Variants in CRELD1 observed in about 807,000 individuals in gnomAD.
CRELD1 encodes the protein protein disulfide isomerase CRELD1.
In CRELD1, 42 loss-of-function variants were observed where a neutral mutation model predicts 58.2. That is an observed-to-expected ratio of 0.72 (90% confidence interval 0.56 to 0.93). The LOEUF (loss-of-function observed/expected upper bound fraction) is 0.93, where lower values mean the gene tolerates loss of function less well. Among genes scored for constraint, CRELD1 ranks in the 40% least tolerant of loss-of-function variants. The pLI is 0.00. For synonymous variants in CRELD1, 222 were observed against 202.0 expected, an observed-to-expected ratio of 1.10 and a Z score of -0.84; for missense variants, 500 against 540.6, an observed-to-expected ratio of 0.92 and a Z score of 0.74.
chr3:9,938,173 T>C lies in CRELD1; in HGVS notation c.460+67T>C. On this transcript the variant is annotated intron_variant, in intron 5 of 10. Coordinates refer to ENST00000452070, the MANE Select transcript of CRELD1 (RefSeq NM_001077415.3). ...GAGTCCAGGGATCCAGTCCTGGCTC[T>C]GTCCCTAGTTCGCTGTGTGAACTCA... The C allele has an allele frequency of 5.6e-6, 7 of 1,240,098 alleles. No homozygotes were observed. The South Asian group carries it at 8.5e-5, about 15-fold the overall frequency. 76.8% of individuals were successfully genotyped at this position (1,240,098 alleles called of 1,614,324 possible).
At chr3:9,944,257 C>T (rs2085457927) in intron 10 of CRELD1, 108 bp from the exon 11 acceptor site, 6 of 1,015,038 alleles carry the variant, frequency 5.9e-6, no homozygotes, top group Non-Finnish European at 7.8e-6. Context: ...GCTTGCTGGG[C>T]AGGCCTGGTG....
rs946274614 is a variant in CRELD1 at position 9,936,881 on chromosome 3, A to G, written c.258-681A>G. On this transcript the variant is annotated intron_variant, in intron 3 of 10. Transcript: ENST00000452070. ...TCAAGGTTCACCCATACCGTAGCAT[A>G]TATCAATACTTATTCCTTTTTATGG... 2.0e-5 allele frequency among the ~76,000 whole-genome samples: 3 copies of G among 152,186 alleles called. 1 individual carries two copies. The highest frequency in any genetic ancestry group is 4.4e-5 in the Non-Finnish European group (3 of 68,038).
At chr3:9,936,655 A>G (rs1473048994) in intron 3 of CRELD1, among the ~76,000 whole-genome samples, 1 of 152,098 alleles carries the variant, frequency 6.6e-6, no homozygotes, top group Non-Finnish European at 1.5e-5. Flanking sequence ...CATCACCACT[A>G]TGTAGTTCCA....
rs566239032 is a variant in CRELD1, at chr3:9,942,307, AT to A, written c.734-497del. 6.6e-5 allele frequency among the ~76,000 whole-genome samples: 10 copies of A among 150,558 alleles called. 1 individual carries two copies. In the East Asian group the frequency reaches 9.7e-4, roughly 15 times the overall value. Reference sequence around the variant, plus strand: ...AAAAGAATCTAGAGGGTAGAGGTTTATTTTTTTTTATCATATTACAGTCCCA... The same window carrying A: ...AAAAGAATCTAGAGGGTAGAGGTTTATTTTTTTTATCATATTACAGTCCCA... On this transcript the variant is annotated intron_variant, in intron 7 of 10. Transcript: ENST00000452070.
chr3:9,943,960 T>C (rs775204061), intron 10 of CRELD1: 1 of 1,252,328 alleles, frequency 8.0e-7, no homozygotes, highest in Non-Finnish European at 1.2e-6. Flanking sequence ...GGAAGTTGGG[T>C]TCTCATCCCC....
At chr3:9,943,835 A>C (rs2085440257) in intron 10 of CRELD1, 1 of 1,613,630 alleles carries the variant, frequency 6.2e-7, no homozygotes, top group East Asian at 2.2e-5. Flanking sequence ...GGTGAGATGC[A>C]GGGTAATCAC....
Position 9,945,066 on chromosome 3 carries a change from A to C in CRELD1, c.*487A>C. On this transcript the variant is annotated 3_prime_UTR_variant, in exon 11 of 11. Coordinates refer to ENST00000452070, the MANE Select transcript of CRELD1 (RefSeq NM_001077415.3). ...TCTTACTACCTGTCCCACCACCCCC[A>C]CCTTAGGGAAATGTCCTAGAATCCT... 1 of 191,990 alleles carries C rather than the reference A, an allele frequency of 5.2e-6. No homozygotes were observed. Among genetic ancestry groups the C allele is most frequent in the South Asian group, 1.0e-4 (1 of 9,808 alleles). 11.9% of individuals were successfully genotyped at this position (191,990 alleles called of 1,614,324 possible). A position where few individuals can be genotyped will look rare whatever the true frequency, so the allele number is the denominator to read the frequency against.
At chr3:9,938,876 A>G in intron 5 of CRELD1, among the ~76,000 whole-genome samples, 1 of 150,958 alleles carries the variant, frequency 6.6e-6, no homozygotes, top group South Asian at 2.1e-4. Context: ...AAAAAAGAAA[A>G]TATTTGGTCC....
rs2085251223 is a variant in CRELD1, at chr3:9,938,271, T to C, written c.460+165T>C. 9.1e-6 allele frequency: 6 copies of C among 658,614 alleles called. No individual in the cohort carries two copies. The Admixed American group carries it at 1.4e-4, about 15-fold the overall frequency. The allele number at this position is 658,614 out of a possible 1,614,324, so 40.8% of individuals were successfully genotyped here. Reference sequence around the variant, plus strand: ...AGGGCTGGGGAGATGGGCAAATCAGTGGGGAAAGGCTTGGAGAAAGCACAG... The same window carrying C: ...AGGGCTGGGGAGATGGGCAAATCAGCGGGGAAAGGCTTGGAGAAAGCACAG... On this transcript the variant is annotated intron_variant, in intron 5 of 10. Transcript: ENST00000452070.
At chr3:9,937,762 C>A in intron 4 of CRELD1, 90 bp downstream of exon 4, 3 of 944,204 alleles carry the variant, frequency 3.2e-6, no homozygotes, top group Non-Finnish European at 5.1e-6. Flanking sequence ...GGGGTGCATG[C>A]TGGGGCCCAT....
At position 9,934,852 on chromosome 3, in the gene CRELD1, C is replaced by T. The variant is rs1251519906; in HGVS notation, c.192C>T (p.Ile64=). The T allele has an allele frequency of 1.2e-6, 2 of 1,612,948 alleles. No homozygotes were observed. Among genetic ancestry groups the T allele is most frequent in the Admixed American group, 1.7e-5 (1 of 59,856 alleles). Residue 64 remains isoleucine, a synonymous_variant, in exon 3 of 11, where the codon ATC becomes ATT. Coordinates refer to ENST00000452070, the MANE Select transcript of CRELD1 (RefSeq NM_001077415.3). Reference sequence around the variant, plus strand: ...GTTTCCAGGGCCTGGAGAGAACCATCCGGGACAACTTTGGAGGTGGAAACA... The same window carrying T: ...GTTTCCAGGGCCTGGAGAGAACCATTCGGGACAACTTTGGAGGTGGAAACA... ...DSFNKGLERT[I]RDNFGGGNTA...
At chr3:9,935,444 A>T (rs911106727) in intron 3 of CRELD1, among the ~76,000 whole-genome samples, 2 of 152,102 alleles carry the variant, frequency 1.3e-5, no homozygotes, top group African/African-American at 2.4e-5. Context: ...AAAAAGTGAT[A>T]CTGTCTTCTC....
In CRELD1 at chr3:9,944,206, C is replaced by T. The variant is rs140515796; in HGVS notation, c.1049-159C>T. On this transcript the variant is annotated intron_variant, in intron 10 of 10. Transcript: ENST00000452070. Reference sequence around the variant, plus strand: ...TTAGTGAGACAGGGATGGTAACTGCCCCTTGCAGGGTGGTTTTGAGCAGTA... The same window carrying T: ...TTAGTGAGACAGGGATGGTAACTGCTCCTTGCAGGGTGGTTTTGAGCAGTA... 316 of 801,786 alleles carry T rather than the reference C, an allele frequency of 3.9e-4. 1 individual carries two copies. In the East Asian group the frequency reaches 5.8e-3, roughly 15 times the overall value. 49.7% of individuals were successfully genotyped at this position (801,786 alleles called of 1,614,324 possible).
chr3:9,938,263 C>T (rs1386760597), intron 5 of CRELD1, 157 bp downstream of exon 5: 5 of 670,430 alleles, frequency 7.5e-6, no homozygotes, highest in Non-Finnish European at 1.3e-5. Context: ...GGGAGATGGG[C>T]AAATCAGTGG....
rs114286445 is a variant in CRELD1 at position 9,944,420 on chromosome 3, G to A, written c.1104G>A (p.Gln368=). The A allele has an allele frequency of 0.014, 21,886 of 1,614,102 alleles. 185 individuals carry two copies. The highest frequency in any genetic ancestry group is 0.017 in the Non-Finnish European group (19,981 of 1,180,038). The change falls in exon 11 of 11, where the codon CAG becomes CAA. Residue 368 remains glutamine (Q), a synonymous_variant. Transcript: ENST00000452070. ...AAGACGAGTTGGTGGTGCTGCAGCA[G>A]ATGTTCTTTGGCATCATCATCTGTG... ...MTEDELVVLQ[Q]MFFGIIICAL...
At chr3:9,938,365 C>CT (rs1340236378) in intron 5 of CRELD1, 2 of 478,688 alleles carry the variant, frequency 4.2e-6, no homozygotes, top group African/African-American at 3.9e-5. Context: ...TTCCCAGCCC[C>CT]TTCATTTCCC....
At chr3:9,943,564 G>GGCAA (rs1258342486) in intron 10 of CRELD1, 49 bp downstream of exon 10, 1 of 1,612,942 alleles carries the variant, frequency 6.2e-7, no homozygotes. Flanking sequence ...AGAGAAGGCA[G>GGCAA]GCAAGCCCCT....
Position 9,934,416 on chromosome 3 carries a change from G to A in CRELD1, c.-19-4G>A. ...TGAAGCCTCTCCACGCCCTCTATCT[G>A]CAGGTCCCCAGCCTGGGTAAAGATG... On this transcript the variant is annotated splice_region_variant and splice_polypyrimidine_tract_variant and intron_variant, in intron 1 of 10. Coordinates refer to ENST00000452070, the MANE Select transcript of CRELD1 (RefSeq NM_001077415.3). 6.2e-7 allele frequency: 1 copy of A among 1,611,128 alleles called. No individual in the cohort carries two copies. Among genetic ancestry groups the A allele is most frequent in the Non-Finnish European group, 8.5e-7 (1 of 1,177,530 alleles).
At position 9,941,199 on chromosome 3, in the gene CRELD1, G is replaced by T. The variant is rs911089166; in HGVS notation, c.726G>T (p.Lys242Asn). The T allele has an allele frequency of 6.2e-7, 1 of 1,613,446 alleles. No homozygotes were observed. The highest frequency in any genetic ancestry group is 8.5e-7 in the Non-Finnish European group (1 of 1,179,480). The change falls in exon 7 of 11, where the codon AAG (lysine) becomes AAT (asparagine). Residue 242 changes from lysine to asparagine, a missense_variant. By Grantham distance (94) the Lys-to-Asn change is moderately conservative (BLOSUM62 0). Transcript: ENST00000452070. ...AGGGCTGGGCCCTGCATCACCTCAA[G>T]TGTGTAGGTAAGTGGGGCCCTAGCT... The part of the protein sequence containing the change: ...CKKGWALHHL[K>N]CVDIDECGTE...
Sources: allele counts gnomAD v4.1 joint callset (sites outside exome capture counted in the v4.1 genomes callset), GRCh38; gene constraint gnomAD v4.1.1; transcripts MANE v1.5; gene names NCBI Gene and HGNC (gene_info 2026-07-23, HGNC 2026-07-21).